Variants in HLX observed in about 807,000 individuals in gnomAD.
The protein encoded by HLX is H2.0 like homeobox.
HLX carries 6 observed loss-of-function variants against 27.7 expected under a neutral mutation model. The observed-to-expected ratio is 0.22, with a 90% CI of 0.12 to 0.43. HLX has a LOEUF of 0.43. HLX is among the 20% of genes least tolerant of loss of function. The pLI, the probability that HLX is intolerant of heterozygous loss-of-function variation, is 1.00. For synonymous variants in HLX, 328 were observed against 293.8 expected (o/e 1.12, Z -1.19); for missense variants, 666 against 655.2 (o/e 1.02, Z -0.18).
intron 3 of HLX, chr1:220,883,992 C>T (rs1674513424): frequency 1.6e-6 from 1 of 612,842 alleles, no homozygotes; most frequent in Admixed American, 2.9e-5. Flanking sequence ...GTTCCCTAGG[C>T]CAGGATTCCT....
Position 220,880,255 on chromosome 1 carries a change from C to T in HLX, c.398C>T (p.Pro133Leu). ...HPQQQQQQQQ[P>L]QQQQPPPPPR... is the part of the protein sequence containing the mutation. ...CAACAACAACAGCAGCAGCAACAGC[C>T]GCAGCAGCAACAGCCTCCGCCTCCG... Residue 133 changes from proline (P) to leucine (L), a missense_variant, in exon 1 of 4, where the codon CCG (proline) becomes CTG (leucine). Coordinates refer to ENST00000366903, the MANE Select transcript of HLX (RefSeq NM_021958.4). The T allele has an allele frequency of 1.2e-6, 2 of 1,613,228 alleles. No homozygotes were observed. The highest frequency in any genetic ancestry group is 1.1e-5 in the South Asian group (1 of 91,064).
At position 220,884,449 on chromosome 1, in the gene HLX, A is replaced by G. The variant is rs375578569; in HGVS notation, c.1212A>G (p.Thr404=). The change falls in exon 4 of 4, where the codon ACA becomes ACG. Residue 404 remains threonine, a synonymous_variant. Transcript: ENST00000366903. This position sits in a 1 kb window ranked among gnomAD's most constrained non-coding sequence, Gnocchi z 4.9. ...TEGSERSLHQ[T]TVIKAPVTGA... is the part of the protein sequence containing the mutation. ...GGAGTGAGCGTTCTCTGCACCAAACAACAGTTATTAAGGCCCCGGTCACTG... is the reference window on the plus strand; with the variant it reads ...GGAGTGAGCGTTCTCTGCACCAAACGACAGTTATTAAGGCCCCGGTCACTG... 3.7e-6 allele frequency: 6 copies of G among 1,613,896 alleles called. No individual in the cohort carries two copies. The highest frequency in any genetic ancestry group is 2.2e-5 in the South Asian group (2 of 91,070).
In HLX at chr1:220,879,909, T is replaced by G. The variant is rs753326845; in HGVS notation, c.52T>G (p.Ser18Ala). The change falls in exon 1 of 4, where the codon TCG (serine) becomes GCG (alanine). Residue 18 changes from serine to alanine, a missense_variant. By Grantham distance (99) the Ser-to-Ala change is moderately conservative. Transcript: ENST00000366903. ...PFYASNFSLWSAAYCSSAGPG... is the reference protein window; with the variant it reads ...PFYASNFSLWAAAYCSSAGPG... The stretch of plus-strand genomic sequence containing the variant: ...CTACGCCTCCAACTTCAGCCTCTGG[T>G]CGGCCGCTTACTGCTCCTCGGCCGG... The G allele has an allele frequency of 6.3e-7, 1 of 1,594,888 alleles. No individual in the cohort carries two copies. The highest frequency in any genetic ancestry group is 1.7e-5 in the Admixed American group (1 of 59,314).
chr1:220,883,296 C>G (rs1674498612), intron 3 of HLX: 1 of 97,216 alleles, frequency 1.0e-5, no homozygotes, highest in Admixed American at 9.9e-5. Flanking sequence ...CACACACACA[C>G]ACACACACAC....
At position 220,884,165 on chromosome 1, in the gene HLX, C is replaced by T; in HGVS notation, c.958-30C>T. On this transcript the variant is annotated intron_variant, in intron 3 of 3. Coordinates refer to ENST00000366903, the MANE Select transcript of HLX (RefSeq NM_021958.4). This position sits in a 1 kb window ranked among gnomAD's most constrained non-coding sequence, Gnocchi z 4.9. Reference sequence around the variant, plus strand: ...AAACCTGGGTCTCATCTCGGTGTCTCTTCTTGTCTCCCGGTGTGGCGCGGC... The same window carrying T: ...AAACCTGGGTCTCATCTCGGTGTCTTTTCTTGTCTCCCGGTGTGGCGCGGC... The T allele has an allele frequency of 6.2e-7, 1 of 1,612,646 alleles. No homozygotes were observed. The highest frequency in any genetic ancestry group is 1.7e-5 in the Admixed American group (1 of 59,982).
rs1249812188 is a variant in HLX at position 220,884,252 on chromosome 1, G to A, written c.1015G>A (p.Ala339Thr). 1.2e-6 allele frequency: 2 copies of A among 1,613,898 alleles called. No individual in the cohort carries two copies. The highest frequency in any genetic ancestry group is 3.3e-5 in the Admixed American group (2 of 59,990). ...GTGGCGGCACTCCAAGGAGGCCCAG[G>A]CCCAAAAGGACAAGGACAAGGAGGC... ...MKWRHSKEAQ[A>T]QKDKDKEAGE... Residue 339 changes from alanine (A) to threonine (T), a missense_variant, in exon 4 of 4, where the codon GCC (alanine) becomes ACC (threonine). Ala to Thr is a moderately conservative substitution (Grantham distance 58). Transcript: ENST00000366903. The surrounding 1 kb of genome is among the most constrained non-coding windows in gnomAD (Gnocchi z 4.9).
At position 220,880,040 on chromosome 1, in the gene HLX, G is replaced by C. The variant is rs779131331; in HGVS notation, c.183G>C (p.Pro61=). 8 of 1,592,052 alleles carry C rather than the reference G, an allele frequency of 5.0e-6. No homozygotes were observed. In the Admixed American group the frequency reaches 1.0e-4, roughly 20 times the overall value. The change falls in exon 1 of 4, where the codon CCG becomes CCC. Residue 61 remains proline, a synonymous_variant. Transcript: ENST00000366903. ...HAGVGDLGAA[P]EGLAGASAAA... ...GCGTGGGGGATCTGGGGGCGGCCCCGGAGGGCCTGGCAGGGGCCTCGGCCG... is the reference window on the plus strand; with the variant it reads ...GCGTGGGGGATCTGGGGGCGGCCCCCGAGGGCCTGGCAGGGGCCTCGGCCG...
chr1:220,882,365 T>C lies in HLX; in HGVS notation c.957+17T>C. 1 of 1,613,302 alleles carries C rather than the reference T, an allele frequency of 6.2e-7. No homozygotes were observed. Among genetic ancestry groups the C allele is most frequent in the Non-Finnish European group, 8.5e-7 (1 of 1,179,602 alleles). On this transcript the variant is annotated intron_variant, in intron 3 of 3. Coordinates refer to ENST00000366903, the MANE Select transcript of HLX (RefSeq NM_021958.4). ...GACGCACAGGTAAGGCAGTTCTGGCTCCAGCGCACAGCGCCCTCGGGCGGG... is the reference window on the plus strand; with the variant it reads ...GACGCACAGGTAAGGCAGTTCTGGCCCCAGCGCACAGCGCCCTCGGGCGGG...
In HLX at chr1:220,884,445, AAAC is replaced by A; in HGVS notation, c.1213_1215del (p.Thr405del). The stretch of plus-strand genomic sequence containing the variant: ...GAGGGGAGTGAGCGTTCTCTGCACC[AAAC>A]AACAGTTATTAAGGCCCCGGTCACT... On this transcript the variant is annotated inframe_deletion, in exon 4 of 4. Coordinates refer to ENST00000366903, the MANE Select transcript of HLX (RefSeq NM_021958.4). This position sits in a 1 kb window ranked among gnomAD's most constrained non-coding sequence, Gnocchi z 4.9. The A allele has an allele frequency of 6.2e-7, 1 of 1,614,082 alleles. No individual in the cohort carries two copies. The highest frequency in any genetic ancestry group is 1.3e-5 in the African/African-American group (1 of 75,022).
intron 1 of HLX, chr1:220,880,794 C>A: frequency 2.5e-6 from 1 of 400,526 alleles, no homozygotes; most frequent in Non-Finnish European, 4.5e-6. Flanking sequence ...TTTTGGGAAA[C>A]ACTTTCGCAC....
Position 220,881,373 on chromosome 1 carries a change from G to A in HLX, c.772G>A (p.Gly258Ser). The part of the protein sequence containing the change: ...VQHQFQDTFP[G>S]PYAVLTKDTM... ...GCATCAGTTCCAAGACACGTTTCCAGGTACGGAAAAACTCCAGAGTACTGC... is the reference window on the plus strand; with the variant it reads ...GCATCAGTTCCAAGACACGTTTCCAAGTACGGAAAAACTCCAGAGTACTGC... Residue 258 changes from glycine (G) to serine (S), a missense_variant and splice_region_variant, in exon 2 of 4, where the codon GGT becomes AGT. Transcript: ENST00000366903. 1.2e-6 allele frequency: 2 copies of A among 1,613,564 alleles called. No individual in the cohort carries two copies. Among genetic ancestry groups the A allele is most frequent in the Non-Finnish European group, 1.7e-6 (2 of 1,179,432 alleles).
intron 3 of HLX, 92 bp downstream of exon 3, chr1:220,882,440 G>A: frequency 1.0e-5 from 12 of 1,178,608 alleles, no homozygotes; most frequent in Non-Finnish European, 1.4e-5. Context: ...CGGCCGACTG[G>A]CCTCCTGCGG....
rs761816915 is a variant in HLX at position 220,880,341 on chromosome 1, C to T, written c.484C>T (p.His162Tyr). ...GACGCGAGTGGTTCCGAACCCCCAC[C>T]ACAGTGGCTCTGCCCCGGCCCCCTC... ...SGTRVVPNPH[H>Y]SGSAPAPSSK... The change falls in exon 1 of 4, where the codon CAC becomes TAC. Residue 162 changes from histidine (H) to tyrosine (Y), a missense_variant. His to Tyr is a moderately conservative substitution (Grantham distance 83). Transcript: ENST00000366903. 1 of 1,614,032 alleles carries T rather than the reference C, an allele frequency of 6.2e-7. No individual in the cohort carries two copies. The highest frequency in any genetic ancestry group is 8.5e-7 in the Non-Finnish European group (1 of 1,179,926).
rs2738754 is a variant in HLX, at chr1:220,879,595, A to T, written c.-263A>T. 1 of 535,728 alleles carries T rather than the reference A, an allele frequency of 1.9e-6. No homozygotes were observed. The highest frequency in any genetic ancestry group is 3.2e-6 in the Non-Finnish European group (1 of 317,424). The allele number at this position is 535,728 out of a possible 1,614,324, so 33.2% of individuals were successfully genotyped here. A position where few individuals can be genotyped will look rare whatever the true frequency, so the allele number is the denominator to read the frequency against. The stretch of plus-strand genomic sequence containing the variant: ...TGCGGCCCCAGCGCCCCTCGCTCTC[A>T]TCCAGCCCGCGAGGAGTGCGGGCGC... On this transcript the variant is annotated 5_prime_UTR_variant, in exon 1 of 4. Transcript: ENST00000366903.
At position 220,879,649 on chromosome 1, in the gene HLX, G is replaced by A; in HGVS notation, c.-209G>A. 1.3e-6 allele frequency: 1 copy of A among 751,688 alleles called. No individual in the cohort carries two copies. Among genetic ancestry groups the A allele is most frequent in the Non-Finnish European group, 2.0e-6 (1 of 506,212 alleles). The allele number at this position is 751,688 out of a possible 1,614,324, so 46.6% of individuals were successfully genotyped here. A position where few individuals can be genotyped will look rare whatever the true frequency, so the allele number is the denominator to read the frequency against. On this transcript the variant is annotated 5_prime_UTR_variant, in exon 1 of 4. Coordinates refer to ENST00000366903, the MANE Select transcript of HLX (RefSeq NM_021958.4). ...GCCGCCTTTAAAGCGAGGCCAGGGA[G>A]CGAGGCGGTGACCGGCCGAGATCCG...
chr1:220,880,116 G>T lies in HLX; in HGVS notation c.259G>T (p.Ala87Ser). 6.2e-7 allele frequency: 1 copy of T among 1,602,250 alleles called. No homozygotes were observed. ...GSVHPHASFQAAARSPLRPTP... is the reference protein window; with the variant it reads ...GSVHPHASFQSAARSPLRPTP... ...GGTTCACCCGCACGCCTCTTTCCAA[G>T]CGGCGGCCAGATCCCCGCTTCGACC... is the stretch of plus-strand genomic sequence containing the variant. The change falls in exon 1 of 4, where the codon GCG becomes TCG. Residue 87 changes from alanine (A) to serine (S), a missense_variant. Physicochemically the swap from Ala to Ser is moderately conservative, Grantham distance 99 (BLOSUM62 1). Coordinates refer to ENST00000366903, the MANE Select transcript of HLX (RefSeq NM_021958.4).
At position 220,880,991 on chromosome 1, in the gene HLX, T is replaced by C. The variant is rs529614387; in HGVS notation, c.593-203T>C. ...CCTTTACTTACTATATACATGCATA[T>C]GGACGTGAGGGACACACAGGAACTT... On this transcript the variant is annotated intron_variant, in intron 1 of 3. Transcript: ENST00000366903. 9.0e-5 allele frequency: 55 copies of C among 613,278 alleles called. 2 individuals are homozygous for C. In the South Asian group the frequency reaches 1.1e-3, roughly 12 times the overall value. The allele number at this position is 613,278 out of a possible 1,614,324, so 38.0% of individuals were successfully genotyped here.
At chr1:220,882,403 G>T in intron 3 of HLX, 55 bp downstream of exon 3, 1 of 1,544,452 alleles carries the variant, frequency 6.5e-7, no homozygotes. Flanking sequence ...GCAGCGCACG[G>T]CCTAGTCTGG....
intron 2 of HLX, chr1:220,881,764 ACACACACACACACAC>A (rs1414087947): frequency 5.7e-4 from 5 of 8,820 alleles, no homozygotes; most frequent in Non-Finnish European, 7.6e-4. Context: ...GCGGGAATAA[ACACACACACACACAC>A]ACACACACAC....
Sources: gnomAD v4.1 joint callset for allele counts on GRCh38, gnomAD v4.1.1 for gene constraint, Gnocchi (gnomAD v3.1) non-coding constraint, MANE v1.5 for transcripts, NCBI Gene and HGNC (gene_info 2026-07-23, HGNC 2026-07-21) for gene names.